Variants in CHN2 observed in about 807,000 individuals in gnomAD.
The protein encoded by CHN2 is chimerin 2.
Under a neutral mutation model 56.3 loss-of-function variants are expected in CHN2, and 35 were observed. The ratio of observed to expected loss-of-function variants is 0.62; its 90% CI spans 0.47 to 0.82. The LOEUF is 0.82. CHN2 is among the 40% of genes least tolerant of loss of function. The probability of loss-of-function intolerance (pLI) is 0.00; values close to 1 mark genes in which losing one functional copy is unlikely to be tolerated. For missense variants in CHN2, 491 were observed against 580.5 expected (o/e 0.85, Z 1.58); for synonymous variants, 210 against 212.8 (o/e 0.99, Z 0.12).
chr7:29,494,655 T>A (rs79267929), intron 7 of CHN2, among the ~76,000 whole-genome samples: 1 of 152,212 alleles, frequency 6.6e-6, no homozygotes, highest in African/African-American at 2.4e-5. Flanking sequence ...AGTTTGCATA[T>A]GATAAACTGA....
intron 1 of CHN2, among the ~76,000 whole-genome samples, chr7:29,231,844 A>G (rs1333244724): frequency 1.3e-5 from 2 of 152,206 alleles, no homozygotes; most frequent in Non-Finnish European, 1.5e-5. Flanking sequence ...CATCCTTATC[A>G]TCACATGTGA....
chr7:29,485,862 A>G (rs1787917391), intron 7 of CHN2, among the ~76,000 whole-genome samples: 2 of 151,828 alleles, frequency 1.3e-5, no homozygotes, highest in African/African-American at 4.8e-5. Context: ...TCCAGTCTGC[A>G]TGGGGATCTG....
chr7:29,199,477 C>T (rs749021197), intron 1 of CHN2: 3 of 152,150 alleles, frequency 2.0e-5, no homozygotes, highest in Non-Finnish European at 4.4e-5. Flanking sequence ...TTTCACATCA[C>T]CTAGACTGGC....
intron 1 of CHN2, among the ~76,000 whole-genome samples, chr7:29,302,409 A>T (rs956792947): frequency 6.6e-5 from 10 of 151,876 alleles, no homozygotes; most frequent in African/African-American, 2.2e-4. Context: ...CTGCAGCTGC[A>T]AACTCCTGAG....
At chr7:29,324,003 C>CA (rs575696737) in intron 1 of CHN2, among the ~76,000 whole-genome samples, 26 of 139,536 alleles carry the variant, frequency 1.9e-4, no homozygotes, top group Admixed American at 1.6e-3. Context: ...GACCCCGTCT[C>CA]AAAAAAACAA....
In CHN2 at chr7:29,194,873, C is replaced by G; in HGVS notation, c.-69C>G. ...GGGGGCCGCGGAGGCTGCGAGCGGCCGGGCGAGGGCAGCGGCGGCGGCGTC... is the reference window on the plus strand; with the variant it reads ...GGGGGCCGCGGAGGCTGCGAGCGGCGGGGCGAGGGCAGCGGCGGCGGCGTC... On this transcript the variant is annotated 5_prime_UTR_variant, in exon 1 of 13. Coordinates refer to ENST00000222792, the MANE Select transcript of CHN2 (RefSeq NM_004067.4). The G allele has an allele frequency of 3.0e-6, 4 of 1,335,648 alleles. No homozygotes were observed. The highest frequency in any genetic ancestry group is 3.8e-6 in the Non-Finnish European group (4 of 1,042,144). 82.7% of individuals were successfully genotyped at this position (1,335,648 alleles called of 1,614,324 possible).
chr7:29,332,197 T>C (rs527940033), intron 1 of CHN2, among the ~76,000 whole-genome samples: 27 of 152,294 alleles, frequency 1.8e-4, no homozygotes, highest in Non-Finnish European at 2.5e-4. Flanking sequence ...CCACCCAAGC[T>C]TGGCCCCTTA....
chr7:29,199,351 A>G (rs1417385298), intron 1 of CHN2, among the ~76,000 whole-genome samples: 6 of 152,198 alleles, frequency 3.9e-5, no homozygotes, highest in Non-Finnish European at 7.3e-5. Context: ...AGACATTCTC[A>G]CTGAGAAGTT....
At chr7:29,510,951 GT>G (rs533365817) in intron 12 of CHN2, among the ~76,000 whole-genome samples, 7,498 of 152,062 alleles carry the variant, frequency 0.049, 371 homozygotes, top group East Asian at 0.19. Context: ...TAAACCTTGT[GT>G]CTCTCTCTTT....
At chr7:29,491,057 CAT>C (rs1004346479) in intron 7 of CHN2, among the ~76,000 whole-genome samples, 32 of 152,164 alleles carry the variant, frequency 2.1e-4, no homozygotes, top group African/African-American at 7.7e-4. Context: ...ACCATATTGT[CAT>C]ATAAAAGCTC....
chr7:29,236,703 AT>A (rs1280526297), intron 1 of CHN2, among the ~76,000 whole-genome samples: 2 of 152,234 alleles, frequency 1.3e-5, no homozygotes, highest in Non-Finnish European at 1.5e-5. Flanking sequence ...GCTTGCACTT[AT>A]GTAAGGTCAG....
At chr7:29,484,504 T>C (rs1787735191) in intron 7 of CHN2, among the ~76,000 whole-genome samples, 1 of 152,204 alleles carries the variant, frequency 6.6e-6, no homozygotes, top group African/African-American at 2.4e-5. Flanking sequence ...CTTGGCGTTC[T>C]TTGTCTTGTA....
intron 2 of CHN2, among the ~76,000 whole-genome samples, chr7:29,166,544 G>C (rs537457057): frequency 7.2e-5 from 11 of 152,156 alleles, no homozygotes; most frequent in African/African-American, 2.4e-4. Context: ...AACTTTAATA[G>C]CTATTGAGCT....
intron 6 of CHN2, among the ~76,000 whole-genome samples, chr7:29,475,388 C>T (rs1786503702): frequency 6.6e-6 from 1 of 152,182 alleles, no homozygotes; most frequent in Non-Finnish European, 1.5e-5. Context: ...GAACACCAGA[C>T]CTGCTAGTCG....
At chr7:29,392,883 T>C (rs532663748) in intron 3 of CHN2, among the ~76,000 whole-genome samples, 1 of 152,320 alleles carries the variant, frequency 6.6e-6, no homozygotes, top group South Asian at 2.1e-4. Context: ...TAAAAACCCA[T>C]AACTTAATGT....
At chr7:29,511,045 T>TGAAA (rs2128601071) in intron 12 of CHN2, among the ~76,000 whole-genome samples, 1 of 152,310 alleles carries the variant, frequency 6.6e-6, no homozygotes, top group African/African-American at 2.4e-5. Flanking sequence ...TCTGTGTTTT[T>TGAAA]GAAAGATACT....
intron 1 of CHN2, among the ~76,000 whole-genome samples, chr7:29,331,956 G>A (rs1796253598): frequency 6.7e-6 from 1 of 150,190 alleles, no homozygotes; most frequent in South Asian, 2.1e-4. Context: ...AGATTGCAGT[G>A]AGCCAAGATT....
intron 8 of CHN2, among the ~76,000 whole-genome samples, chr7:29,496,281 A>T (rs1225505268): frequency 6.6e-6 from 1 of 152,094 alleles, no homozygotes; most frequent in African/African-American, 2.4e-5. Flanking sequence ...TTAAACACCT[A>T]CCTGCCTCTT....
intron 6 of CHN2, among the ~76,000 whole-genome samples, chr7:29,438,129 G>A (rs971059667): frequency 6.6e-6 from 1 of 152,232 alleles, no homozygotes; most frequent in Admixed American, 6.5e-5. Context: ...GACAGTCAAT[G>A]AAGGGGTAAG....
Sources: gnomAD v4.1 joint callset for allele counts (sites outside exome capture counted in the v4.1 genomes callset) on GRCh38, gnomAD v4.1.1 for gene constraint, MANE v1.5 for transcripts, NCBI Gene and HGNC (gene_info 2026-07-23, HGNC 2026-07-21) for gene names.